The following SLC25A24 variants were observed in gnomAD, a reference collection of about 807,000 sequenced individuals.
SLC25A24 encodes mitochondrial adenyl nucleotide antiporter SLC25A24.
In SLC25A24, 49 loss-of-function variants were observed where a neutral mutation model predicts 60.7. That is an observed-to-expected ratio of 0.81 (90% CI 0.64 to 1.02). The LOEUF is 1.02. Among genes scored for constraint, SLC25A24 ranks in the 50% least tolerant of loss-of-function variants. The pLI is 0.00. For synonymous variants in SLC25A24, 202 were observed against 200.6 expected, an observed-to-expected ratio of 1.01 and a Z score of -0.06; for missense variants, 564 against 586.3, an observed-to-expected ratio of 0.96 and a Z score of 0.39.
chr1:108,195,892 T>G (rs1398851557), intron 1 of SLC25A24, among the ~76,000 whole-genome samples: 1 of 151,516 alleles, frequency 6.6e-6, no homozygotes, highest in Non-Finnish European at 1.5e-5. Flanking sequence ...CTCAGCTGCT[T>G]GGGAGGCTGA....
At chr1:108,138,902 A>C (rs1679364834) in intron 9 of SLC25A24, among the ~76,000 whole-genome samples, 156 bp downstream of exon 9, 1 of 152,250 alleles carries the variant, frequency 6.6e-6, no homozygotes, top group Non-Finnish European at 1.5e-5. Context: ...TAGAAAAAGA[A>C]TTTCTGAAAA....
chr1:108,143,801 T>C, intron 7 of SLC25A24, 91 bp from the exon 8 acceptor site: 1 of 923,602 alleles, frequency 1.1e-6, no homozygotes, highest in Non-Finnish European at 1.7e-6. Flanking sequence ...AACAAATACC[T>C]AGCACATATT....
chr1:108,144,010 G>A (rs1382287863), intron 7 of SLC25A24, among the ~76,000 whole-genome samples: 1 of 152,158 alleles, frequency 6.6e-6, no homozygotes, highest in East Asian at 1.9e-4. Context: ...TGGAAGGTGA[G>A]GGAAATGGTA....
At position 108,134,562 on chromosome 1, in the gene SLC25A24, T is replaced by C. The variant is rs1262934539; in HGVS notation, c.*2091A>G. The C allele has an allele frequency of 1.3e-5, 2 of 152,136 alleles. No homozygotes were observed. Among genetic ancestry groups the C allele is most frequent in the African/African-American group, 4.8e-5 (2 of 41,426 alleles). 9.4% of individuals were successfully genotyped at this position (152,136 alleles called of 1,614,324 possible). A position where few individuals can be genotyped will look rare whatever the true frequency, so the allele number is the denominator to read the frequency against. On this transcript the variant is annotated 3_prime_UTR_variant, in exon 10 of 10. Coordinates refer to ENST00000565488, the MANE Select transcript of SLC25A24 (RefSeq NM_013386.5). ...AACTCTAATGGGTAAATGTGGAATT[T>C]TGATATCACAAAAAATATCACCTTG...
At chr1:108,141,123 A>G (rs1339625131) in intron 8 of SLC25A24, among the ~76,000 whole-genome samples, 3 of 152,190 alleles carry the variant, frequency 2.0e-5, no homozygotes, top group Non-Finnish European at 2.9e-5. Context: ...CGGGAACCCA[A>G]AGAGAAAAGG....
intron 9 of SLC25A24, 35 bp downstream of exon 9, chr1:108,139,023 C>T: frequency 6.0e-6 from 9 of 1,511,470 alleles, no homozygotes; most frequent in Non-Finnish European, 8.0e-6. Flanking sequence ...TGGTGCAGCA[C>T]TTTTATCGGT....
At chr1:108,137,265 C>A (rs76134157) in intron 9 of SLC25A24, among the ~76,000 whole-genome samples, 2 of 152,090 alleles carry the variant, frequency 1.3e-5, no homozygotes, top group Non-Finnish European at 2.9e-5. Flanking sequence ...CTGCTGCTGC[C>A]TCCTTCTTAC....
chr1:108,173,164 C>T (rs937060920), intron 3 of SLC25A24, among the ~76,000 whole-genome samples: 5 of 152,052 alleles, frequency 3.3e-5, no homozygotes, highest in African/African-American at 7.2e-5. Context: ...CCCAGGATTT[C>T]GATACCAGCC....
At position 108,192,766 on chromosome 1, in the gene SLC25A24, T is replaced by A. The variant is rs524504; in HGVS notation, c.184-6812A>T. 387,676 of 1,335,828 alleles carry A rather than the reference T, an allele frequency of 0.29. 105,237 individuals are homozygous for A. Among genetic ancestry groups the A allele is most frequent in the African/African-American group, 0.31 (21,875 of 69,950 alleles). 82.7% of individuals were successfully genotyped at this position (1,335,828 alleles called of 1,614,324 possible). A position where few individuals can be genotyped will look rare whatever the true frequency, so the allele number is the denominator to read the frequency against. On this transcript the variant is annotated intron_variant, in intron 1 of 9. Transcript: ENST00000565488. ...TCCTCCTCAGGGGCGCCAAACACAA[T>A]GCACCTTCATCGGTTAAAGCTCTGG... is the stretch of plus-strand genomic sequence containing the variant.
chr1:108,179,122 C>A (rs368763025), intron 3 of SLC25A24, among the ~76,000 whole-genome samples: 497 of 83,758 alleles, frequency 5.9e-3, no homozygotes, highest in Middle Eastern at 7.6e-3. Context: ...CCAAAAAGTA[C>A]AAAAAAAAAA....
intron 1 of SLC25A24, chr1:108,199,535 AAGC>A (rs1414518078): frequency 3.7e-6 from 1 of 273,964 alleles, no homozygotes; most frequent in Non-Finnish European, 6.8e-6. Flanking sequence ...TGCTGTAACA[AAGC>A]AGCTTCGAAA....
intron 3 of SLC25A24, among the ~76,000 whole-genome samples, chr1:108,179,565 A>G (rs1013638331): frequency 6.6e-6 from 1 of 152,198 alleles, no homozygotes; most frequent in South Asian, 2.1e-4. Context: ...ATACAATAGA[A>G]AACTATTCGG....
At position 108,136,587 on chromosome 1, in the gene SLC25A24, G is replaced by A; in HGVS notation, c.*66C>T. 7.3e-7 allele frequency: 1 copy of A among 1,366,272 alleles called. No homozygotes were observed. The allele number at this position is 1,366,272 out of a possible 1,614,324, so 84.6% of individuals were successfully genotyped here. ...TTGCCATAGACTTGTTTCAATTCGA[G>A]GAGAAAAAGTCACTCCAGAGATTGT... On this transcript the variant is annotated 3_prime_UTR_variant, in exon 10 of 10. Transcript: ENST00000565488.
intron 1 of SLC25A24, among the ~76,000 whole-genome samples, chr1:108,191,330 A>G (rs1648337984): frequency 7.2e-6 from 1 of 139,034 alleles, no homozygotes; most frequent in Admixed American, 8.1e-5. Flanking sequence ...GGGTTTTACC[A>G]TATTGGCCAG....
chr1:108,140,770 A>G (rs1297911002), intron 8 of SLC25A24, among the ~76,000 whole-genome samples: 2 of 151,396 alleles, frequency 1.3e-5, no homozygotes, highest in Non-Finnish European at 2.9e-5. Flanking sequence ...AATAGCATCT[A>G]TAGAATGCAC....
At chr1:108,184,804 T>G (rs1558025697) in intron 2 of SLC25A24, among the ~76,000 whole-genome samples, 1 of 152,152 alleles carries the variant, frequency 6.6e-6, no homozygotes, top group African/African-American at 2.4e-5. Context: ...GACAAAAAAG[T>G]TTGCTGATCT....
intron 6 of SLC25A24, among the ~76,000 whole-genome samples, chr1:108,152,817 A>T (rs956128191): frequency 1.5e-4 from 23 of 152,260 alleles, no homozygotes; most frequent in African/African-American, 5.5e-4. Context: ...AGATAAGTAC[A>T]GAGAACGTCA....
intron 4 of SLC25A24, among the ~76,000 whole-genome samples, chr1:108,160,658 C>T (rs975393232): frequency 1.3e-5 from 2 of 152,216 alleles, no homozygotes; most frequent in African/African-American, 4.8e-5. Flanking sequence ...AGCCTGGGCA[C>T]CATTGAGCAC....
intron 2 of SLC25A24, among the ~76,000 whole-genome samples, chr1:108,182,747 T>G (rs912701032): frequency 1.3e-5 from 2 of 151,998 alleles, no homozygotes; most frequent in South Asian, 4.1e-4. Flanking sequence ...AGAGGAAAAT[T>G]GCTTGAAGCT....
Sources: allele counts gnomAD v4.1 joint callset (sites outside exome capture counted in the v4.1 genomes callset), GRCh38; gene constraint gnomAD v4.1.1; transcripts MANE v1.5; gene names NCBI Gene and HGNC (gene_info 2026-07-23, HGNC 2026-07-21).